The following LOC128706666 variants were observed in gnomAD, a reference collection of about 807,000 sequenced individuals.
At chr20:10,416,108 C>T in the LOC128706666 span, among the ~76,000 whole-genome samples, 48 of 152,282 alleles carry the variant, frequency 3.2e-4, no homozygotes, top group South Asian at 8.3e-4. Context: ...TACCATTAGA[C>T]GAATGGTCCT....
chr20:10,433,109 T>G, the LOC128706666 span, among the ~76,000 whole-genome samples: 1 of 152,250 alleles, frequency 6.6e-6, no homozygotes, highest in Non-Finnish European at 1.5e-5. Flanking sequence ...GCTCAAGCGA[T>G]TCTCCTGCCT....
the LOC128706666 span, among the ~76,000 whole-genome samples, chr20:10,415,921 A>C: frequency 6.6e-6 from 1 of 152,220 alleles, no homozygotes; most frequent in Non-Finnish European, 1.5e-5. Flanking sequence ...TAAAGATGCC[A>C]AAACTTGTTG....
At chr20:10,416,726 T>G in the LOC128706666 span, among the ~76,000 whole-genome samples, 3 of 152,202 alleles carry the variant, frequency 2.0e-5, no homozygotes, top group African/African-American at 7.2e-5. Flanking sequence ...TGATAGAATT[T>G]GAGCAGCATC....
At chr20:10,416,109 G>A in the LOC128706666 span, among the ~76,000 whole-genome samples, 2 of 152,170 alleles carry the variant, frequency 1.3e-5, no homozygotes, top group Non-Finnish European at 2.9e-5. Context: ...ACCATTAGAC[G>A]AATGGTCCTG....
the LOC128706666 span, among the ~76,000 whole-genome samples, chr20:10,419,684 C>T: frequency 7.2e-5 from 11 of 152,252 alleles, no homozygotes; most frequent in South Asian, 2.3e-3. Flanking sequence ...AACATAAGCG[C>T]GGAGATACCA....
chr20:10,431,508 C>G, the LOC128706666 span, among the ~76,000 whole-genome samples: 1 of 150,132 alleles, frequency 6.7e-6, no homozygotes, highest in South Asian at 2.1e-4. Flanking sequence ...AAACATAACT[C>G]AATGCTGTAT....
the LOC128706666 span, among the ~76,000 whole-genome samples, chr20:10,427,029 G>GACACACACACAGACACACACAC: frequency 3.0e-3 from 393 of 130,772 alleles, 9 homozygotes; most frequent in African/African-American, 7.8e-3. Flanking sequence ...AGAAAACACT[G>GACACACACACAGACACACACAC]ACACACACAC....
At chr20:10,429,191 G>A in the LOC128706666 span, among the ~76,000 whole-genome samples, 2 of 152,032 alleles carry the variant, frequency 1.3e-5, no homozygotes, top group South Asian at 2.1e-4. Flanking sequence ...CATTCTCCAT[G>A]GAAAGTGTTC....
the LOC128706666 span, among the ~76,000 whole-genome samples, chr20:10,423,097 C>CT: frequency 6.6e-6 from 1 of 151,976 alleles, no homozygotes; most frequent in African/African-American, 2.4e-5. Context: ...CATTTGTCAG[C>CT]TTTTTTCTGA....
the LOC128706666 span, among the ~76,000 whole-genome samples, chr20:10,421,870 T>C: frequency 6.6e-6 from 1 of 151,982 alleles, no homozygotes; most frequent in Non-Finnish European, 1.5e-5. Flanking sequence ...GGAACTTGAA[T>C]CTGGACAACC....
the LOC128706666 span, among the ~76,000 whole-genome samples, chr20:10,419,602 AG>A: frequency 6.6e-6 from 1 of 152,176 alleles, no homozygotes; most frequent in Non-Finnish European, 1.5e-5. Context: ...CCTATGATAA[AG>A]TTCAATTTAT....
At chr20:10,414,765 A>C in the LOC128706666 span, among the ~76,000 whole-genome samples, 1 of 152,186 alleles carries the variant, frequency 6.6e-6, no homozygotes, top group African/African-American at 2.4e-5. Context: ...ACTAATGTAT[A>C]GTCTATATTT....
the LOC128706666 span, among the ~76,000 whole-genome samples, chr20:10,415,307 A>ACTTC: frequency 6.6e-6 from 1 of 152,230 alleles, no homozygotes; most frequent in African/African-American, 2.4e-5. Flanking sequence ...AGCCTAAAGT[A>ACTTC]CTTCCTAAAA....
At chr20:10,423,511 G>A in the LOC128706666 span, among the ~76,000 whole-genome samples, 19 of 152,250 alleles carry the variant, frequency 1.2e-4, no homozygotes, top group East Asian at 3.7e-3. Flanking sequence ...CTAAAATTAG[G>A]AACAAATTAA....
chr20:10,427,547 C>T, the LOC128706666 span, among the ~76,000 whole-genome samples: 8 of 152,108 alleles, frequency 5.3e-5, no homozygotes, highest in Non-Finnish European at 1.2e-4. Flanking sequence ...TTCTTCATTT[C>T]TGAATTCTCA....
chr20:10,429,078 A>G, the LOC128706666 span, among the ~76,000 whole-genome samples: 2 of 152,102 alleles, frequency 1.3e-5, no homozygotes, highest in South Asian at 4.1e-4. Context: ...GCCCTTTACC[A>G]TCTTCCTTCC....
chr20:10,422,932 C>T, the LOC128706666 span, among the ~76,000 whole-genome samples: 8 of 152,046 alleles, frequency 5.3e-5, no homozygotes, highest in South Asian at 2.1e-4. Context: ...AGGATGGTCT[C>T]GATCTCCTGA....
chr20:10,433,127 C>T, the LOC128706666 span, among the ~76,000 whole-genome samples: 1 of 152,258 alleles, frequency 6.6e-6, no homozygotes, highest in East Asian at 1.9e-4. Context: ...CCTCAACCTC[C>T]CAAGTAGCTG....
chr20:10,433,217 G>A, the LOC128706666 span, among the ~76,000 whole-genome samples: 2 of 152,222 alleles, frequency 1.3e-5, no homozygotes, highest in Admixed American at 6.5e-5. Context: ...CGTTGGCCTG[G>A]CTGGCCCCAA....
Sources: allele counts gnomAD v4.1 joint callset (sites outside exome capture counted in the v4.1 genomes callset), GRCh38; gene constraint gnomAD v4.1.1; transcripts MANE v1.5.